The following UBE2L3 variants were observed in gnomAD, a reference collection of about 807,000 sequenced individuals.
The protein encoded by UBE2L3 is ubiquitin-conjugating enzyme E2 L3.
Under a neutral mutation model 17.8 loss-of-function variants are expected in UBE2L3, and 1 was observed. The ratio of observed to expected loss-of-function variants is 0.06; its 90% CI spans 0.02 to 0.27. The LOEUF is 0.27. Ranked by LOEUF, UBE2L3 falls within the 10% of genes least tolerant of loss-of-function variation. The pLI, the probability that UBE2L3 is intolerant of heterozygous loss-of-function variation, is 1.00. For missense variants in UBE2L3, 40 were observed against 192.6 expected (o/e 0.21, Z 4.69); for synonymous variants, 44 against 68.5 (o/e 0.64, Z 1.76).
At chr22:21,560,682 C>T (rs547160681) in intron 1 of UBE2L3, among the ~76,000 whole-genome samples, 6 of 151,064 alleles carry the variant, frequency 4.0e-5, no homozygotes, top group African/African-American at 1.5e-4. Flanking sequence ...AACTCCTGAC[C>T]TCAGGTGATC....
intron 2 of UBE2L3, among the ~76,000 whole-genome samples, chr22:21,607,514 TAAAAAAAAA>T (rs758366095): frequency 1.8e-5 from 2 of 108,980 alleles, no homozygotes; most frequent in Non-Finnish European, 3.7e-5. Context: ...GACTCCGTCT[TAAAAAAAAA>T]AAAAAAAAAA....
At chr22:21,611,145 C>A in intron 3 of UBE2L3, 102 bp downstream of exon 3, 2 of 1,336,234 alleles carry the variant, frequency 1.5e-6, no homozygotes, top group Non-Finnish European at 1.0e-6. Context: ...GAGAATCTTT[C>A]AGGTACACGA....
chr22:21,608,427 T>C (rs1037316042), intron 2 of UBE2L3, among the ~76,000 whole-genome samples: 7 of 152,038 alleles, frequency 4.6e-5, no homozygotes, highest in African/African-American at 1.7e-4. Flanking sequence ...TATATTTATT[T>C]TGTTATTATT....
upstream of UBE2L3, chr22:21,567,681 CG>C (rs1426578446): frequency 6.4e-7 from 1 of 1,554,210 alleles, no homozygotes; most frequent in Non-Finnish European, 8.7e-7. Context: ...CCAGGAAGTG[CG>C]GGGGCTCCAG....
chr22:21,619,754 C>T (rs1412256625), intron 3 of UBE2L3, among the ~76,000 whole-genome samples: 3 of 152,202 alleles, frequency 2.0e-5, no homozygotes, highest in Non-Finnish European at 2.9e-5. Context: ...TGCAGTGGCA[C>T]GATCTCGGCT....
intron 3 of UBE2L3, among the ~76,000 whole-genome samples, chr22:21,611,957 G>T (rs1929503153): frequency 6.6e-6 from 1 of 152,178 alleles, no homozygotes; most frequent in Non-Finnish European, 1.5e-5. Context: ...AGATCAGACG[G>T]AGTCCAGAGA....
intron 2 of UBE2L3, among the ~76,000 whole-genome samples, chr22:21,599,279 C>T (rs1335515064): frequency 2.0e-5 from 3 of 152,170 alleles, no homozygotes; most frequent in Non-Finnish European, 4.4e-5. Context: ...TTTTCTGCTT[C>T]CTGCTAATTG....
intron 1 of UBE2L3, among the ~76,000 whole-genome samples, chr22:21,557,528 C>CT (rs57916361): frequency 8.8e-4 from 132 of 149,366 alleles, no homozygotes; most frequent in Middle Eastern, 7.1e-3. Flanking sequence ...CAGATCTACT[C>CT]TTTTTTTTTT....
intron 2 of UBE2L3, among the ~76,000 whole-genome samples, chr22:21,608,950 A>G (rs961432800): frequency 1.5e-4 from 22 of 151,626 alleles, no homozygotes; most frequent in African/African-American, 4.8e-4. Flanking sequence ...GCCAGACTGC[A>G]GTGGCGCAAT....
upstream of UBE2L3, among the ~76,000 whole-genome samples, chr22:21,567,249 T>C (rs1926673267): frequency 6.6e-6 from 1 of 151,984 alleles, no homozygotes; most frequent in Admixed American, 6.6e-5. Context: ...CTGCAACCTC[T>C]GCCTCCCGGG....
In UBE2L3 at chr22:21,568,070, C is replaced by T. The variant is rs1926737350; in HGVS notation, c.27+299C>T. 5.6e-6 allele frequency: 7 copies of T among 1,245,470 alleles called. No homozygotes were observed. The South Asian group carries it at 1.3e-4, about 23-fold the overall frequency. 77.2% of individuals were successfully genotyped at this position (1,245,470 alleles called of 1,614,324 possible). A position where few individuals can be genotyped will look rare whatever the true frequency, so the allele number is the denominator to read the frequency against. ...TCCCCCTGTCGCGGAGGCCGCGGTC[C>T]GATCTGAGGGCGTCGTTAATGTGAG... On this transcript the variant is annotated intron_variant, in intron 1 of 3. Coordinates refer to ENST00000342192, the MANE Select transcript of UBE2L3 (RefSeq NM_003347.4).
chr22:21,616,894 C>T (rs112231410), intron 3 of UBE2L3, among the ~76,000 whole-genome samples: 1 of 150,536 alleles, frequency 6.6e-6, no homozygotes, highest in Non-Finnish European at 1.5e-5. Flanking sequence ...TGTTTACATC[C>T]GCTATTGCAG....
At chr22:21,582,549 G>C (rs1274944587) in intron 1 of UBE2L3, among the ~76,000 whole-genome samples, 1 of 151,656 alleles carries the variant, frequency 6.6e-6, no homozygotes, top group Non-Finnish European at 1.5e-5. Flanking sequence ...TTTTGAGCCG[G>C]AGTTTCACTA....
rs532795404 is a variant in UBE2L3, at chr22:21,600,806, G to A, written c.123+7850G>A. On this transcript the variant is annotated intron_variant, in intron 2 of 3. Transcript: ENST00000342192. ...TCTTCAGAAACCAATATTAGAACAAGATGAATCTCATGTGGCAGATTTTTT... is the reference window on the plus strand; with the variant it reads ...TCTTCAGAAACCAATATTAGAACAAAATGAATCTCATGTGGCAGATTTTTT... 2.6e-5 allele frequency among the ~76,000 whole-genome samples: 4 copies of A among 152,282 alleles called. No homozygotes were observed. In the South Asian group the frequency reaches 6.2e-4, roughly 24 times the overall value.
chr22:21,585,517 A>C (rs2148415125), intron 1 of UBE2L3, among the ~76,000 whole-genome samples: 1 of 152,286 alleles, frequency 6.6e-6, no homozygotes, highest in East Asian at 1.9e-4. Flanking sequence ...CCAGTTCTAA[A>C]GCCATTCGAT....
chr22:21,567,576 C>T, upstream of UBE2L3: 1 of 1,439,838 alleles, frequency 6.9e-7, no homozygotes, highest in Non-Finnish European at 9.2e-7. Context: ...GTGCGGTTCA[C>T]TTGCGTTCCT....
At chr22:21,571,759 C>G (rs907761388) in intron 1 of UBE2L3, among the ~76,000 whole-genome samples, 28 of 152,264 alleles carry the variant, frequency 1.8e-4, no homozygotes, top group African/African-American at 6.5e-4. Context: ...TCTCCCAGTT[C>G]ATAGTCATAG....
In UBE2L3 at chr22:21,554,337, A is replaced by T. The variant is rs1213026287; in HGVS notation, c.201+4687A>T. Among the ~76,000 whole-genome samples, 8 of 48,582 alleles carry T rather than the reference A, an allele frequency of 1.6e-4. 4 individuals are homozygous for T. The East Asian group carries it at 1.7e-3, about 11-fold the overall frequency. 31.9% of individuals were successfully genotyped at this position (48,582 alleles called of 152,430 possible). A position where few individuals can be genotyped will look rare whatever the true frequency, so the allele number is the denominator to read the frequency against. Reference sequence around the variant, plus strand: ...CAGAGCAAGACTCCATCTCAAAAATAAAAATTAAAATTAAAATTAAAAAAA... The same window carrying T: ...CAGAGCAAGACTCCATCTCAAAAATTAAAATTAAAATTAAAATTAAAAAAA... On this transcript the variant is annotated intron_variant, in intron 1 of 3. Coordinates refer to the UBE2L3 transcript ENST00000458578.
At chr22:21,556,555 G>A (rs1367286558) in intron 1 of UBE2L3, among the ~76,000 whole-genome samples, 1 of 152,074 alleles carries the variant, frequency 6.6e-6, no homozygotes, top group Non-Finnish European at 1.5e-5. Flanking sequence ...TCAGCCTCCC[G>A]AGTAGCTGTG....
Sources: allele counts gnomAD v4.1 joint callset (sites outside exome capture counted in the v4.1 genomes callset), GRCh38; gene constraint gnomAD v4.1.1; transcripts MANE v1.5; gene names NCBI Gene and HGNC (gene_info 2026-07-23, HGNC 2026-07-21).